Variants in PBX3 observed in about 807,000 individuals in gnomAD.
PBX3 encodes the protein PBX homeobox 3.
PBX3 carries 14 observed loss-of-function variants against 48.5 expected under a neutral mutation model. The ratio of observed to expected loss-of-function variants is 0.29; its 90% confidence interval spans 0.19 to 0.45. PBX3 has a LOEUF of 0.45. Among genes scored for constraint, PBX3 ranks in the 20% least tolerant of loss-of-function variants. PBX3 has a pLI of 1.00. For synonymous variants in PBX3, 210 were observed against 200.3 expected (o/e 1.05, Z -0.41); for missense variants, 386 against 546.7 (o/e 0.71, Z 2.93).
At chr9:125,768,879 C>T (rs1836869171) in intron 2 of PBX3, among the ~76,000 whole-genome samples, 1 of 152,100 alleles carries the variant, frequency 6.6e-6, no homozygotes, top group Non-Finnish European at 1.5e-5. Context: ...AGCGCCAAAA[C>T]TGTTTATTGT....
intron 2 of PBX3, among the ~76,000 whole-genome samples, chr9:125,806,987 A>G (rs898791459): frequency 2.6e-5 from 4 of 152,238 alleles, no homozygotes; most frequent in Non-Finnish European, 4.4e-5. Flanking sequence ...AAGTTATTAG[A>G]AATGGATTGC....
intron 3 of PBX3, 58 bp downstream of exon 3, chr9:125,915,985 C>T (rs1021288314): frequency 1.3e-6 from 2 of 1,580,840 alleles, no homozygotes; most frequent in African/African-American, 2.7e-5. Context: ...TTCTATTAGA[C>T]CATGCTAACC....
intron 2 of PBX3, among the ~76,000 whole-genome samples, chr9:125,848,573 T>C (rs1434725902): frequency 6.6e-6 from 1 of 152,044 alleles, no homozygotes; most frequent in Admixed American, 6.6e-5. Context: ...GTCAGTAGCA[T>C]TTAGAATAGA....
intron 2 of PBX3, among the ~76,000 whole-genome samples, chr9:125,813,089 T>C (rs1838342219): frequency 6.6e-6 from 1 of 152,234 alleles, no homozygotes; most frequent in Admixed American, 6.5e-5. Context: ...AAGTTACCCT[T>C]AGCTTACTAT....
At chr9:125,862,715 A>G (rs1839890217) in intron 2 of PBX3, among the ~76,000 whole-genome samples, 1 of 152,124 alleles carries the variant, frequency 6.6e-6, no homozygotes, top group South Asian at 2.1e-4. Flanking sequence ...GAAATGCTGT[A>G]TCACCAACAT....
chr9:125,929,644 TCCCA>T lies in PBX3; in HGVS notation c.517-10_517-7del, dbSNP rs1588307298. 6.3e-6 allele frequency: 10 copies of T among 1,582,596 alleles called. No homozygotes were observed. Among genetic ancestry groups the T allele is most frequent in the Middle Eastern group, 1.7e-4 (1 of 5,910 alleles). ...AGTTTCCAAAGGAGTGATTTTTTTT[TCCCA>T]TTACAGGCATGTAATGAATTTACTA... On this transcript the variant is annotated splice_region_variant and splice_polypyrimidine_tract_variant and intron_variant, in intron 3 of 8. Transcript: ENST00000373489.
At chr9:125,898,295 A>G (rs774085673) in intron 2 of PBX3, among the ~76,000 whole-genome samples, 1 of 151,630 alleles carries the variant, frequency 6.6e-6, no homozygotes, top group Non-Finnish European at 1.5e-5. Flanking sequence ...AAAAGAGCAA[A>G]CTTTTCCCAG....
intron 2 of PBX3, among the ~76,000 whole-genome samples, chr9:125,831,177 G>T (rs1410536808): frequency 1.3e-5 from 2 of 152,154 alleles, no homozygotes; most frequent in Non-Finnish European, 2.9e-5. Flanking sequence ...ACTAGAATTA[G>T]ATCTAAAAGC....
chr9:125,836,996 C>T (rs1043146078), intron 2 of PBX3, among the ~76,000 whole-genome samples: 2 of 152,190 alleles, frequency 1.3e-5, no homozygotes, highest in Non-Finnish European at 2.9e-5. Flanking sequence ...ATTTAAATAT[C>T]ACCATGCTTT....
chr9:125,906,929 C>T (rs1588283557), intron 2 of PBX3, among the ~76,000 whole-genome samples: 1 of 151,978 alleles, frequency 6.6e-6, no homozygotes, highest in Admixed American at 6.6e-5. Flanking sequence ...AGTACATTTG[C>T]AGGAAGAAGA....
chr9:125,820,957 A>G (rs1838633939), intron 2 of PBX3, among the ~76,000 whole-genome samples: 1 of 152,128 alleles, frequency 6.6e-6, no homozygotes, highest in South Asian at 2.1e-4. Context: ...AAAGCAAAAG[A>G]AAAGCAATGA....
At chr9:125,771,993 T>C (rs991257934) in intron 2 of PBX3, among the ~76,000 whole-genome samples, 2 of 152,306 alleles carry the variant, frequency 1.3e-5, no homozygotes, top group South Asian at 4.1e-4. Flanking sequence ...ATTTATGTTA[T>C]GGCAGGCAGT....
intron 2 of PBX3, among the ~76,000 whole-genome samples, chr9:125,752,060 A>G (rs1437045899): frequency 6.6e-6 from 1 of 152,226 alleles, no homozygotes; most frequent in African/African-American, 2.4e-5. Context: ...AATGTTATGC[A>G]TGAAAAAAAA....
intron 2 of PBX3, among the ~76,000 whole-genome samples, chr9:125,857,078 G>C (rs967356589): frequency 2.0e-5 from 3 of 152,120 alleles, no homozygotes; most frequent in Non-Finnish European, 2.9e-5. Context: ...ATGTGTGATA[G>C]AGTGCAAGCA....
intron 2 of PBX3, among the ~76,000 whole-genome samples, chr9:125,895,158 G>C (rs937348076): frequency 6.6e-6 from 1 of 151,950 alleles, no homozygotes; most frequent in East Asian, 1.9e-4. Context: ...CCTAGATTTG[G>C]CACAGCATTG....
chr9:125,886,063 A>G (rs1410045204), intron 2 of PBX3, among the ~76,000 whole-genome samples: 1 of 152,072 alleles, frequency 6.6e-6, no homozygotes, highest in African/African-American at 2.4e-5. Flanking sequence ...AGTCTTTGCA[A>G]CTTTGCTCAT....
At chr9:125,935,843 C>T (rs541852665) in intron 5 of PBX3, among the ~76,000 whole-genome samples, 1 of 152,156 alleles carries the variant, frequency 6.6e-6, no homozygotes, top group African/African-American at 2.4e-5. Context: ...TGTAAATCTT[C>T]TCTAGAGAGG....
At chr9:125,809,990 A>G (rs1328887605) in intron 2 of PBX3, among the ~76,000 whole-genome samples, 1 of 152,204 alleles carries the variant, frequency 6.6e-6, no homozygotes, top group Non-Finnish European at 1.5e-5. Flanking sequence ...TTCCAACATG[A>G]TTGGTATATT....
chr9:125,919,628 G>A (rs1468088431), intron 3 of PBX3, among the ~76,000 whole-genome samples: 1 of 152,122 alleles, frequency 6.6e-6, no homozygotes, highest in Non-Finnish European at 1.5e-5. Flanking sequence ...TAAGGCAAAG[G>A]CTTCAACAGA....
Sources: gnomAD v4.1 joint callset for allele counts (sites outside exome capture counted in the v4.1 genomes callset) on GRCh38, gnomAD v4.1.1 for gene constraint, MANE v1.5 for transcripts, NCBI Gene and HGNC (gene_info 2026-07-23, HGNC 2026-07-21) for gene names.